Variants in LRBA observed in about 807,000 individuals in gnomAD.
LRBA encodes the protein LPS responsive beige-like anchor protein.
Under a neutral mutation model 330.0 loss-of-function variants are expected in LRBA, and 176 were observed. That is an observed-to-expected ratio of 0.53 (90% CI 0.47 to 0.60). The LOEUF (loss-of-function observed/expected upper bound fraction) is 0.60. LRBA is among the 20% of genes least tolerant of loss of function. LRBA has a pLI of 0.00. For synonymous variants in LRBA, 1,230 were observed against 1,193.0 expected, an observed-to-expected ratio of 1.03 and a Z score of -0.64; for missense variants, 3,259 against 3,444.8, an observed-to-expected ratio of 0.95 and a Z score of 1.35.
chr4:150,768,999 G>A lies in LRBA; in HGVS notation c.5581-7152C>T, dbSNP rs550403695. Reference sequence around the variant, plus strand: ...GTCACCCAGGCTGGAGAGCAGTGGCGCAATCTCGGCTCACTGCAACCTCCG... The same window carrying A: ...GTCACCCAGGCTGGAGAGCAGTGGCACAATCTCGGCTCACTGCAACCTCCG... On this transcript the variant is annotated intron_variant, in intron 34 of 56. Transcript: ENST00000651943. Among the ~76,000 whole-genome samples the A allele has an allele frequency of 1.4e-4, 19 of 133,532 alleles. 1 individual carries two copies. In the East Asian group the frequency reaches 1.9e-3, roughly 13 times the overall value. 87.6% of individuals were successfully genotyped at this position (133,532 alleles called of 152,430 possible).
intron 2 of LRBA, among the ~76,000 whole-genome samples, chr4:150,951,350 G>A (rs932184384): frequency 2.0e-5 from 3 of 150,750 alleles, no homozygotes; most frequent in Admixed American, 6.6e-5. Flanking sequence ...GACAGTCTAC[G>A]TTAGACTCAA....
At chr4:150,695,461 T>C (rs1054567270) in intron 36 of LRBA, among the ~76,000 whole-genome samples, 4 of 152,160 alleles carry the variant, frequency 2.6e-5, no homozygotes, top group Non-Finnish European at 5.9e-5. Context: ...TAACTGGGAC[T>C]ACATGCACAC....
chr4:150,905,999 A>G lies in LRBA; in HGVS notation c.1603-9T>C, dbSNP rs1324460853. The G allele has an allele frequency of 1.2e-6, 2 of 1,611,660 alleles. No individual in the cohort carries two copies. Among genetic ancestry groups the G allele is most frequent in the Non-Finnish European group, 1.7e-6 (2 of 1,178,440 alleles). On this transcript the variant is annotated splice_polypyrimidine_tract_variant and intron_variant, in intron 12 of 56. Coordinates refer to ENST00000651943, the MANE Select transcript of LRBA (RefSeq NM_001364905.1). ...ACATGAGATTTGGAAGACTGCAAAA[A>G]AAGTAGTTCAAATGTTACCACAAAT... is the stretch of plus-strand genomic sequence containing the variant.
chr4:150,902,135 T>C (rs992833332), intron 13 of LRBA, among the ~76,000 whole-genome samples: 2 of 152,148 alleles, frequency 1.3e-5, no homozygotes, highest in African/African-American at 4.8e-5. Flanking sequence ...CTATGAAATA[T>C]TATTAATTCA....
At chr4:150,803,061 A>G (rs1741923439) in intron 33 of LRBA, among the ~76,000 whole-genome samples, 1 of 119,750 alleles carries the variant, frequency 8.4e-6, no homozygotes, top group African/African-American at 3.4e-5. Flanking sequence ...AAAAACAAAA[A>G]CAAACAAAAA....
At chr4:150,959,853 AT>A (rs1442517807) in intron 2 of LRBA, among the ~76,000 whole-genome samples, 2 of 146,086 alleles carry the variant, frequency 1.4e-5, no homozygotes, top group Non-Finnish European at 3.0e-5. Flanking sequence ...CACAAAGAAT[AT>A]ATTTATAAAT....
intron 38 of LRBA, chr4:150,597,009 G>A (rs563456082): frequency 1.1e-4 from 81 of 723,292 alleles, no homozygotes; most frequent in African/African-American, 2.0e-4. Context: ...TATTTCAAAC[G>A]CAAGTTTTGT....
intron 17 of LRBA, among the ~76,000 whole-genome samples, chr4:150,882,743 A>G (rs904123090): frequency 6.6e-6 from 1 of 152,194 alleles, no homozygotes; most frequent in Admixed American, 6.5e-5. Context: ...AAATATGATA[A>G]CAGATCATTA....
chr4:150,583,089 T>C lies in LRBA; in HGVS notation c.6330+4959A>G. ...TCAATAAGTACTACACTGAGCGCTG[T>C]CAGGCGCGCAAGGCGGCCATCGCCA... On this transcript the variant is annotated intron_variant, in intron 40 of 56. Transcript: ENST00000651943. The surrounding 1 kb of genome is among the most constrained non-coding windows in gnomAD (Gnocchi z 9.8). 1 of 1,614,086 alleles carries C rather than the reference T, an allele frequency of 6.2e-7. No homozygotes were observed. The highest frequency in any genetic ancestry group is 1.7e-5 in the Admixed American group (1 of 60,026).
At chr4:150,551,462 T>A (rs1766579452) in intron 40 of LRBA, among the ~76,000 whole-genome samples, 2 of 152,062 alleles carry the variant, frequency 1.3e-5, no homozygotes, top group Non-Finnish European at 2.9e-5. Flanking sequence ...GTAGATCACT[T>A]GAGCCCAAGA....
At chr4:150,719,796 T>C (rs1728690167) in intron 36 of LRBA, among the ~76,000 whole-genome samples, 1 of 152,138 alleles carries the variant, frequency 6.6e-6, no homozygotes, top group Non-Finnish European at 1.5e-5. Flanking sequence ...GAACAAATAC[T>C]GGTGAAGCAA....
At chr4:150,424,571 T>G (rs1749288585) in intron 46 of LRBA, among the ~76,000 whole-genome samples, 3 of 152,218 alleles carry the variant, frequency 2.0e-5, no homozygotes, top group African/African-American at 4.8e-5. Context: ...CCATGGTGCC[T>G]TGGACAGGAC....
chr4:151,005,185 G>A (rs888707630), intron 2 of LRBA, among the ~76,000 whole-genome samples: 1 of 151,686 alleles, frequency 6.6e-6, no homozygotes, highest in African/African-American at 2.4e-5. Flanking sequence ...GGTGGCTCAC[G>A]CCTGTAATCC....
chr4:150,921,189 T>C lies in LRBA; in HGVS notation c.645+9A>G, dbSNP rs373702517. 1.3e-6 allele frequency: 2 copies of C among 1,573,038 alleles called. No homozygotes were observed. The highest frequency in any genetic ancestry group is 1.7e-6 in the Non-Finnish European group (2 of 1,142,998). ...ACTGGGAGTGATTTCCTCATTAATA[T>C]TTACTTACTGCAGCACTCTTTCCTG... On this transcript the variant is annotated intron_variant, in intron 5 of 56. Coordinates refer to ENST00000651943, the MANE Select transcript of LRBA (RefSeq NM_001364905.1).
chr4:150,469,412 G>A (rs1245096613), intron 43 of LRBA, among the ~76,000 whole-genome samples: 1 of 151,998 alleles, frequency 6.6e-6, no homozygotes, highest in Non-Finnish European at 1.5e-5. Flanking sequence ...GACACTGCAG[G>A]CACAATAAAA....
At chr4:150,861,898 T>C (rs1751990029) in intron 22 of LRBA, among the ~76,000 whole-genome samples, 1 of 151,992 alleles carries the variant, frequency 6.6e-6, no homozygotes, top group East Asian at 1.9e-4. Context: ...TGAGAATTGC[T>C]TGAACCTGGG....
intron 35 of LRBA, among the ~76,000 whole-genome samples, chr4:150,753,962 G>A (rs1733906888): frequency 6.6e-6 from 1 of 151,840 alleles, no homozygotes; most frequent in Non-Finnish European, 1.5e-5. Context: ...AGGTACTTGG[G>A]AGGCTGAGAT....
intron 16 of LRBA, among the ~76,000 whole-genome samples, chr4:150,895,298 T>G (rs979077520): frequency 1.1e-4 from 16 of 152,158 alleles, no homozygotes; most frequent in Non-Finnish European, 2.1e-4. Flanking sequence ...TTTTTTTAAT[T>G]ACACTTCAAG....
chr4:150,281,355 G>A (rs559008126), intron 55 of LRBA, among the ~76,000 whole-genome samples: 6 of 152,236 alleles, frequency 3.9e-5, no homozygotes, highest in African/African-American at 1.4e-4. Context: ...TGGAGAGACC[G>A]CAGAGAACAG....
Sources: gnomAD v4.1 joint callset for allele counts (sites outside exome capture counted in the v4.1 genomes callset) on GRCh38, gnomAD v4.1.1 for gene constraint, Gnocchi (gnomAD v3.1) non-coding constraint, MANE v1.5 for transcripts, NCBI Gene and HGNC (gene_info 2026-07-23, HGNC 2026-07-21) for gene names.